USH2A: variants seen among roughly 807,000 people sequenced by gnomAD.
The protein encoded by USH2A is Usher syndrome 2A (autosomal recessive, mild).
In USH2A, 443 loss-of-function variants were observed where a neutral mutation model predicts 538.9. The ratio of observed to expected loss-of-function variants is 0.82; its 90% CI spans 0.76 to 0.89. The LOEUF (loss-of-function observed/expected upper bound fraction) is 0.89, where lower values mean the gene tolerates loss of function less well. Ranked by LOEUF, USH2A falls within the 40% of genes least tolerant of loss-of-function variation. The pLI is 0.00. For synonymous variants in USH2A, 2,413 were observed against 2,273.5 expected (o/e 1.06, Z -1.75); for missense variants, 6,633 against 6,324.8 (o/e 1.05, Z -1.65).
chr1:216,287,048 A>AT (rs1216049196), intron 11 of USH2A, among the ~76,000 whole-genome samples: 1 of 152,212 alleles, frequency 6.6e-6, no homozygotes, highest in African/African-American at 2.4e-5. Flanking sequence ...CCTTAGCAAA[A>AT]TTTTAGCAAA....
chr1:215,757,382 T>C lies in USH2A; in HGVS notation c.11389+1213A>G, dbSNP rs185487238. On this transcript the variant is annotated intron_variant, in intron 58 of 71. Transcript: ENST00000307340. Reference sequence around the variant, plus strand: ...GGTCTTTACGCTCTCTTTATAGCTATACAATAGTACCTGTTTTGACTGTTC... The same window carrying C: ...GGTCTTTACGCTCTCTTTATAGCTACACAATAGTACCTGTTTTGACTGTTC... Among the ~76,000 whole-genome samples the C allele has an allele frequency of 1.7e-4, 26 of 152,312 alleles. No individual in the cohort carries two copies. In the East Asian group the frequency reaches 4.6e-3, roughly 27 times the overall value.
chr1:215,742,186 C>A (rs1660323819), intron 59 of USH2A, among the ~76,000 whole-genome samples: 1 of 152,160 alleles, frequency 6.6e-6, no homozygotes, highest in Admixed American at 6.5e-5. Context: ...CTAGCCATTT[C>A]TGATGAGTTC....
intron 19 of USH2A, among the ~76,000 whole-genome samples, chr1:216,191,606 T>A (rs1016720270): frequency 2.6e-5 from 4 of 152,002 alleles, no homozygotes. Flanking sequence ...AATTTTAAAA[T>A]CATTATTGAT....
rs752793657 is a variant in USH2A, at chr1:215,927,160, T to C, written c.7300+7456A>G. 2.6e-5 allele frequency among the ~76,000 whole-genome samples: 4 copies of C among 152,228 alleles called. No individual in the cohort carries two copies. In the East Asian group the frequency reaches 7.7e-4, roughly 29 times the overall value. On this transcript the variant is annotated intron_variant, in intron 38 of 71. Transcript: ENST00000307340. ...CACTGTTAACAGAAACCGTTTTCTA[T>C]GAAAATTTACTGCTTTGAAAAACTT...
intron 61 of USH2A, among the ~76,000 whole-genome samples, chr1:215,705,391 G>A (rs1031030012): frequency 1.3e-5 from 2 of 152,174 alleles, no homozygotes; most frequent in African/African-American, 4.8e-5. Context: ...TAAACTCAAT[G>A]TGTGTGTCGT....
chr1:216,002,912 T>C (rs1668300259), intron 32 of USH2A, among the ~76,000 whole-genome samples: 1 of 152,136 alleles, frequency 6.6e-6, no homozygotes, highest in Non-Finnish European at 1.5e-5. Context: ...CATATCGCAG[T>C]GTCTGCTTAT....
chr1:216,324,406 A>G, intron 6 of USH2A, 54 bp from the exon 7 acceptor site: 1 of 1,463,638 alleles, frequency 6.8e-7, no homozygotes, highest in African/African-American at 1.4e-5. Context: ...AACCATCAGT[A>G]TATATCAAAC....
intron 15 of USH2A, among the ~76,000 whole-genome samples, chr1:216,210,924 TGA>T (rs1481931984): frequency 2.0e-5 from 3 of 148,852 alleles, no homozygotes; most frequent in African/African-American, 7.5e-5. Context: ...GAAGTTGCAG[TGA>T]GCCAAGATCG....
intron 9 of USH2A, among the ~76,000 whole-genome samples, chr1:216,320,257 C>A (rs1194553717): frequency 6.6e-6 from 1 of 152,050 alleles, no homozygotes; most frequent in East Asian, 1.9e-4. Context: ...AAGAGGCTGG[C>A]TTCTGGCTTT....
intron 12 of USH2A, among the ~76,000 whole-genome samples, 199 bp from the exon 13 acceptor site, chr1:216,247,425 G>A (rs140108833): frequency 3.9e-5 from 6 of 152,218 alleles, no homozygotes; most frequent in Admixed American, 1.3e-4. Flanking sequence ...AACTGTTTGC[G>A]ATGAACTTCA....
rs146851220 is a variant in USH2A at position 216,298,455 on chromosome 1, C to T, written c.1645-6085G>A. Among the ~76,000 whole-genome samples the T allele has an allele frequency of 9.3e-3, 1,413 of 152,256 alleles. 8 individuals carry two copies. Among genetic ancestry groups the T allele is most frequent in the South Asian group, 0.038 (182 of 4,822 alleles). ...ATTGTAAATAAGACTGGACTAAATG[C>T]TGTATCAATGTCCAAAGACACAGTC... On this transcript the variant is annotated intron_variant, in intron 9 of 71. Transcript: ENST00000307340.
intron 9 of USH2A, among the ~76,000 whole-genome samples, chr1:216,308,791 CCT>C (rs988861196): frequency 6.6e-6 from 1 of 152,080 alleles, no homozygotes; most frequent in South Asian, 2.1e-4. Flanking sequence ...ATACAATAAG[CCT>C]CTTTTTCTTT....
At chr1:216,018,479 G>A (rs1454749681) in intron 32 of USH2A, among the ~76,000 whole-genome samples, 1 of 152,176 alleles carries the variant, frequency 6.6e-6, no homozygotes, top group East Asian at 1.9e-4. Flanking sequence ...ACCCTTGCAA[G>A]CACAGAGCCT....
intron 16 of USH2A, among the ~76,000 whole-genome samples, chr1:216,200,512 C>T (rs1374705228): frequency 6.6e-6 from 1 of 152,188 alleles, no homozygotes; most frequent in Admixed American, 6.5e-5. Context: ...AGTAAACTAC[C>T]ACCAAGGGGT....
intron 30 of USH2A, among the ~76,000 whole-genome samples, chr1:216,056,268 A>AAAACACT (rs1205639916): frequency 6.6e-6 from 1 of 152,238 alleles, no homozygotes; most frequent in Non-Finnish European, 1.5e-5. Flanking sequence ...ACTCTTCAAG[A>AAAACACT]AAACACTGGA....
At chr1:215,725,587 AAG>A (rs775699742) in intron 61 of USH2A, among the ~76,000 whole-genome samples, 2 of 152,214 alleles carry the variant, frequency 1.3e-5, no homozygotes, top group Non-Finnish European at 2.9e-5. Flanking sequence ...TTGAAATTCT[AAG>A]AGCCAAAGAT....
In USH2A at chr1:216,000,501, T is replaced by C. The variant is rs150282853; in HGVS notation, c.6387A>G (p.Thr2129=). The C allele has an allele frequency of 2.1e-4, 333 of 1,613,736 alleles. 2 individuals are homozygous for C. Among genetic ancestry groups the C allele is most frequent in the Middle Eastern group, 1.7e-3 (10 of 6,060 alleles). ...LLSACTHVGC[T]NSSWVLLYTA... ...TGTACAGTAGGACCCAGGAACTGTT[T>C]GTACAGCCCACATGTGTGCATGCAC... Residue 2129 remains threonine, a synonymous_variant, in exon 33 of 72, where the codon ACA becomes ACG. Transcript: ENST00000307340.
intron 32 of USH2A, among the ~76,000 whole-genome samples, chr1:216,034,908 G>C (rs1156500435): frequency 2.0e-5 from 3 of 152,178 alleles, no homozygotes; most frequent in African/African-American, 4.8e-5. Context: ...GCAGCACTAG[G>C]AAACTAATCA....
At chr1:216,267,712 A>G (rs976809914) in intron 11 of USH2A, among the ~76,000 whole-genome samples, 5 of 152,018 alleles carry the variant, frequency 3.3e-5, no homozygotes, top group African/African-American at 9.7e-5. Flanking sequence ...TTTTCTTGTT[A>G]CCTCTGTCAT....
Sources: gnomAD v4.1 joint callset for allele counts (sites outside exome capture counted in the v4.1 genomes callset) on GRCh38, gnomAD v4.1.1 for gene constraint, MANE v1.5 for transcripts, NCBI Gene and HGNC (gene_info 2026-07-23, HGNC 2026-07-21) for gene names.